SARAF: variants seen among roughly 807,000 people sequenced by gnomAD.
The protein encoded by SARAF is store-operated calcium entry associated regulatory factor.
A neutral mutation model predicts 39.7 loss-of-function variants in SARAF; 23 were observed. The ratio of observed to expected loss-of-function variants is 0.58; its 90% CI spans 0.42 to 0.82. The LOEUF (loss-of-function observed/expected upper bound fraction) is 0.82, where lower values mean the gene tolerates loss of function less well. Among genes scored for constraint, SARAF ranks in the 40% least tolerant of loss-of-function variants. The pLI is 0.00. For synonymous variants in SARAF, 175 were observed against 168.5 expected (o/e 1.04, Z -0.30); for missense variants, 384 against 418.5 (o/e 0.92, Z 0.72).
At chr8:30,069,432 G>A (rs1447508658) in intron 3 of SARAF, among the ~76,000 whole-genome samples, 5 of 151,988 alleles carry the variant, frequency 3.3e-5, no homozygotes, top group Non-Finnish European at 7.4e-5. Flanking sequence ...GAGCCACCGC[G>A]CCCGGCCAAT....
At chr8:30,064,360 A>G (rs1034844533) in intron 5 of SARAF, among the ~76,000 whole-genome samples, 1 of 151,800 alleles carries the variant, frequency 6.6e-6, no homozygotes, top group Non-Finnish European at 1.5e-5. Context: ...AGGCTACAGG[A>G]TGACAAATCT....
At chr8:30,080,641 A>G (rs1802076291) in intron 1 of SARAF, among the ~76,000 whole-genome samples, 1 of 152,244 alleles carries the variant, frequency 6.6e-6, no homozygotes, top group South Asian at 2.1e-4. Context: ...GTAACTTAAT[A>G]TAAGATTACA....
intron 5 of SARAF, among the ~76,000 whole-genome samples, chr8:30,064,559 A>ATTTTTTTTTTTTTTTTTTTTTTTTTTTTT (rs1240248914): frequency 2.0e-5 from 1 of 50,004 alleles, no homozygotes; most frequent in Admixed American, 3.2e-4. Context: ...ATATATATAT[A>ATTTTTTTTTTTTTTTTTTTTTTTTTTTTT]TATTTTTTTT....
Position 30,075,982 on chromosome 8 carries a change from A to T in SARAF, c.104-1927T>A, listed in dbSNP as rs1001665235. 4.2e-3 allele frequency among the ~76,000 whole-genome samples: 226 copies of T among 53,908 alleles called. 3 individuals carry two copies. The highest frequency in any genetic ancestry group is 7.1e-3 in the Non-Finnish European group (174 of 24,444). 35.4% of individuals were successfully genotyped at this position (53,908 alleles called of 152,430 possible). ...ACCTGATGTACATAACAGAATCCCT[A>T]AAAAAAAACAAAAAAAAAAAAACAA... On this transcript the variant is annotated intron_variant, in intron 1 of 5. Coordinates refer to ENST00000256255, the MANE Select transcript of SARAF (RefSeq NM_016127.6).
chr8:30,064,548 TA>T (rs770164193), intron 5 of SARAF, among the ~76,000 whole-genome samples: 2,516 of 47,326 alleles, frequency 0.053, 111 homozygotes, highest in Non-Finnish European at 0.07. Flanking sequence ...TATATATATA[TA>T]TATATATATA....
At chr8:30,070,341 G>C (rs1192693054) in intron 2 of SARAF, among the ~76,000 whole-genome samples, 3 of 152,092 alleles carry the variant, frequency 2.0e-5, no homozygotes, top group African/African-American at 7.2e-5. Flanking sequence ...CTGGGAGGTG[G>C]AGGTTGCAGT....
intron 2 of SARAF, among the ~76,000 whole-genome samples, chr8:30,071,064 G>A (rs1464758541): frequency 6.6e-6 from 1 of 152,228 alleles, no homozygotes; most frequent in African/African-American, 2.4e-5. Context: ...CTAAAGGCCA[G>A]GCGCGGTGGT....
rs1801702656 is a variant in SARAF, at chr8:30,066,834, C to T, written c.785G>A (p.Gly262Glu). 6.2e-7 allele frequency: 1 copy of T among 1,613,988 alleles called. No homozygotes were observed. The highest frequency in any genetic ancestry group is 1.3e-5 in the African/African-American group (1 of 74,902). Residue 262 changes from glycine to glutamate, a missense_variant, in exon 4 of 6, where the codon GGG becomes GAG. Transcript: ENST00000256255. ...ACCAGTTCCCAAGCCTGTCCAGAAC[C>T]CTGGTCCTGAATTTTCATATCCTTG... ...GQQGYENSGP[G>E]FWTGLGTGGI...
At position 30,082,918 on chromosome 8, in the gene SARAF, C is replaced by G. The variant is rs780364338; in HGVS notation, c.32G>C (p.Gly11Ala). Residue 11 changes from glycine to alanine, a missense_variant, in exon 1 of 6, where the codon GGG (glycine) becomes GCG (alanine). Physicochemically the swap from Gly to Ala is moderately conservative, Grantham distance 60. Coordinates refer to ENST00000256255, the MANE Select transcript of SARAF (RefSeq NM_016127.6). Reference protein sequence around the residue: MAAACGPGAAGYCLLLGLHLF... With the variant: MAAACGPGAAAYCLLLGLHLF... Reference sequence around the variant, plus strand: ...ATGCAAGCCGAGGAGCAAGCAGTACCCGGCCGCTCCCGGCCCGCAGGCTGC... The same window carrying G: ...ATGCAAGCCGAGGAGCAAGCAGTACGCGGCCGCTCCCGGCCCGCAGGCTGC... The G allele has an allele frequency of 6.4e-7, 1 of 1,550,452 alleles. No individual in the cohort carries two copies. Among genetic ancestry groups the G allele is most frequent in the Non-Finnish European group, 8.7e-7 (1 of 1,148,848 alleles).
In SARAF at chr8:30,082,881, C is replaced by T. The variant is rs113461374; in HGVS notation, c.69G>A (p.Leu23=). The T allele has an allele frequency of 6.4e-7, 1 of 1,559,314 alleles. No individual in the cohort carries two copies. The highest frequency in any genetic ancestry group is 1.4e-5 in the African/African-American group (1 of 72,632). The change falls in exon 1 of 6, where the codon CTG becomes CTA. Residue 23 remains leucine, a synonymous_variant. Transcript: ENST00000256255. ...CLLLGLHLFL[L]TAGPALGWND... is the part of the protein sequence containing the mutation. ...TCCAGCCCAGGGCAGGGCCCGCGGT[C>T]AGCAGAAACAAATGCAAGCCGAGGA...
chr8:30,073,400 C>T (rs1801888204), intron 2 of SARAF, among the ~76,000 whole-genome samples: 1 of 152,210 alleles, frequency 6.6e-6, no homozygotes, highest in Admixed American at 6.5e-5. Flanking sequence ...TCAATGAAAC[C>T]TGCCGAAATG....
At chr8:30,073,785 A>T in intron 2 of SARAF, 92 bp downstream of exon 2, 1 of 1,055,394 alleles carries the variant, frequency 9.5e-7, no homozygotes, top group Non-Finnish European at 1.4e-6. Flanking sequence ...AGATTTCCGT[A>T]GGTGCACCCT....
chr8:30,079,643 C>G (rs1429483150), intron 1 of SARAF, among the ~76,000 whole-genome samples: 1 of 152,064 alleles, frequency 6.6e-6, no homozygotes. Flanking sequence ...GTGACTTTGG[C>G]CAAGGCATTT....
rs756340011 is a variant in SARAF, at chr8:30,066,027, C to G, written c.955G>C (p.Val319Leu). ...GTTTTCGTGTCTGAGTTTGAACATA[C>G]CGAATAGCTGCCCGAGCCTCCATGA... Reference protein sequence around the residue: ...PLHGGSGSYSVCSNSDTKTRT... With the variant: ...PLHGGSGSYSLCSNSDTKTRT... Residue 319 changes from valine to leucine, a missense_variant, in exon 5 of 6, where the codon GTA becomes CTA. Val to Leu is a conservative substitution (Grantham distance 32, BLOSUM62 1). Transcript: ENST00000256255. The G allele has an allele frequency of 2.5e-6, 4 of 1,613,982 alleles. No individual in the cohort carries two copies. The highest frequency in any genetic ancestry group is 3.4e-6 in the Non-Finnish European group (4 of 1,180,022).
intron 2 of SARAF, 21 bp downstream of exon 2, chr8:30,073,856 C>T: frequency 6.3e-7 from 1 of 1,599,896 alleles, no homozygotes; most frequent in African/African-American, 1.3e-5. Context: ...TTTAGACTGC[C>T]ATTACTGTAG....
intron 1 of SARAF, among the ~76,000 whole-genome samples, chr8:30,078,552 A>G (rs937828295): frequency 6.6e-6 from 1 of 152,238 alleles, no homozygotes; most frequent in African/African-American, 2.4e-5. Flanking sequence ...AATATATTCA[A>G]AAACTCTAAA....
At chr8:30,075,532 A>C (rs997700698) in intron 1 of SARAF, among the ~76,000 whole-genome samples, 4 of 152,108 alleles carry the variant, frequency 2.6e-5, no homozygotes, top group African/African-American at 9.7e-5. Context: ...ACTCGAGCAA[A>C]ATCTGGAAAG....
At position 30,063,679 on chromosome 8, in the gene SARAF, T is replaced by C. The variant is rs1801606812; in HGVS notation, c.*209A>G. 1.7e-6 allele frequency: 1 copy of C among 586,986 alleles called. No homozygotes were observed. Among genetic ancestry groups the C allele is most frequent in the Non-Finnish European group, 3.0e-6 (1 of 330,944 alleles). 36.4% of individuals were successfully genotyped at this position (586,986 alleles called of 1,614,324 possible). A position where few individuals can be genotyped will look rare whatever the true frequency, so the allele number is the denominator to read the frequency against. On this transcript the variant is annotated 3_prime_UTR_variant, in exon 6 of 6. Transcript: ENST00000256255. ...AAAACTGCAATATACATCTGCATGT[T>C]ACACTGACATACAACACATAAGTAT... is the stretch of plus-strand genomic sequence containing the variant.
In SARAF at chr8:30,069,689, G is replaced by A. The variant is rs1202477932; in HGVS notation, c.653C>T (p.Thr218Ile). 1 of 1,614,034 alleles carries A rather than the reference G, an allele frequency of 6.2e-7. No homozygotes were observed. The highest frequency in any genetic ancestry group is 8.5e-7 in the Non-Finnish European group (1 of 1,180,042). The change falls in exon 3 of 6, where the codon ACC becomes ATC. Residue 218 changes from threonine (T) to isoleucine (I), a missense_variant. Physicochemically the swap from Thr to Ile is moderately conservative, Grantham distance 89. Coordinates refer to ENST00000256255, the MANE Select transcript of SARAF (RefSeq NM_016127.6). Reference protein sequence around the residue: ...PPFSHRYQRFTNSAGPPPPGF... With the variant: ...PPFSHRYQRFINSAGPPPPGF... ...TGGGGGAGGAGGTCCTGCTGAGTTG[G>A]TGAATCTCTGGTAACGGTGGGAAAA...
Sources: gnomAD v4.1 joint callset for allele counts (sites outside exome capture counted in the v4.1 genomes callset) on GRCh38, gnomAD v4.1.1 for gene constraint, MANE v1.5 for transcripts, NCBI Gene and HGNC (gene_info 2026-07-23, HGNC 2026-07-21) for gene names.